The following TMEM258 variants were observed in gnomAD, a reference collection of about 807,000 sequenced individuals.
TMEM258 encodes the protein dolichyl-diphosphooligosaccharide--protein glycosyltransferase subunit TMEM258.
In TMEM258, 11 loss-of-function variants were observed where a neutral mutation model predicts 9.9. The ratio of observed to expected loss-of-function variants is 1.11; its 90% confidence interval spans 0.70 to 1.85. TMEM258 has a LOEUF of 1.85. Ranked by LOEUF, TMEM258 falls within the 40% of genes most tolerant of loss-of-function variation. TMEM258 has a pLI of 0.00. For missense variants in TMEM258, 81 were observed against 99.7 expected (o/e 0.81, Z 0.80); for synonymous variants, 40 against 39.1 (o/e 1.02, Z -0.09).
At chr11:61,789,374 C>T (rs1307405018) in intron 3 of TMEM258, 139 bp from the exon 4 acceptor site, 1 of 167,142 alleles carries the variant, frequency 6.0e-6, no homozygotes, top group African/African-American at 2.4e-5. Context: ...TTCCTAGTGG[C>T]CTGTTTGGTG....
chr11:61,790,628 T>C (rs775773946), intron 1 of TMEM258, 26 bp from the exon 2 acceptor site: 1 of 1,586,324 alleles, frequency 6.3e-7, no homozygotes. Flanking sequence ...AGATCAGAGC[T>C]ATCAAAGAAT....
intron 3 of TMEM258, 183 bp downstream of exon 3, chr11:61,789,602 C>A (rs866962491): frequency 1.9e-5 from 13 of 677,898 alleles, no homozygotes; most frequent in African/African-American, 5.4e-5. Flanking sequence ...GGCTCAAATC[C>A]GTATGAGGGG....
intron 3 of TMEM258, among the ~76,000 whole-genome samples, chr11:61,789,549 C>T (rs1276391123): frequency 2.0e-5 from 3 of 152,220 alleles, no homozygotes; most frequent in Admixed American, 6.5e-5. Context: ...AAAGGCAGAT[C>T]GAGGCCTTGG....
In TMEM258 at chr11:61,789,053, TG is replaced by T. The variant is rs745501998; in HGVS notation, c.*192del. The T allele has an allele frequency of 1.3e-5, 2 of 152,350 alleles. No homozygotes were observed. Among genetic ancestry groups the T allele is most frequent in the Non-Finnish European group, 2.9e-5 (2 of 68,070 alleles). 9.4% of individuals were successfully genotyped at this position (152,350 alleles called of 1,614,324 possible). On this transcript the variant is annotated 3_prime_UTR_variant, in exon 4 of 4. Transcript: ENST00000537328. ...GGAACTGTGAAAGGCAGATGAGAAA[TG>T]GGAAAGGGAAGAGATTGGGGAAGCA...
chr11:61,789,686 G>C, intron 3 of TMEM258, 99 bp downstream of exon 3: 2 of 1,371,516 alleles, frequency 1.5e-6, no homozygotes, highest in South Asian at 1.5e-5. Flanking sequence ...AAGGGGTCAT[G>C]CTGGTAAGAG....
chr11:61,791,008 G>A lies in TMEM258; in HGVS notation c.4-406C>T, dbSNP rs577859315. ...ACTCTGTCGCCCGGGCTGGAGGGCA[G>A]TGGCACGATCTCGGCTCACTGCAAC... On this transcript the variant is annotated intron_variant, in intron 1 of 3. Coordinates refer to ENST00000537328, the MANE Select transcript of TMEM258 (RefSeq NM_014206.4). Among the ~76,000 whole-genome samples, 109 of 152,056 alleles carry A rather than the reference G, an allele frequency of 7.2e-4. 1 individual carries two copies. The highest frequency in any genetic ancestry group is 3.4e-3 in the Middle Eastern group (1 of 294).
In TMEM258 at chr11:61,789,875, G is replaced by A; in HGVS notation, c.160C>T (p.Leu54Phe). 2 of 1,613,524 alleles carry A rather than the reference G, an allele frequency of 1.2e-6. No homozygotes were observed. The highest frequency in any genetic ancestry group is 1.7e-6 in the Non-Finnish European group (2 of 1,179,698). ...TKYTRDIYKELLISLVASLFM... is the reference protein window; with the variant it reads ...TKYTRDIYKEFLISLVASLFM... ...AGTGAGGCCACTAAGGAGATGAGGA[G>A]CTCTTTATAGATATCACGAGTGTAC... is the stretch of plus-strand genomic sequence containing the variant. Residue 54 changes from leucine (L) to phenylalanine (F), a missense_variant, in exon 3 of 4, where the codon CTC becomes TTC. Leu to Phe is a conservative substitution (Grantham distance 22, BLOSUM62 0). Transcript: ENST00000537328.
At position 61,790,612 on chromosome 11, in the gene TMEM258, G is replaced by A. The variant is rs775967934; in HGVS notation, c.4-10C>T. Reference sequence around the variant, plus strand: ...TCATGGCCTCGAGCTCCTAGAGGAGGGAAAGAGATCAGAGCTATCAAAGAA... The same window carrying A: ...TCATGGCCTCGAGCTCCTAGAGGAGAGAAAGAGATCAGAGCTATCAAAGAA... On this transcript the variant is annotated splice_polypyrimidine_tract_variant and intron_variant, in intron 1 of 3. Coordinates refer to ENST00000537328, the MANE Select transcript of TMEM258 (RefSeq NM_014206.4). 6.2e-6 allele frequency: 10 copies of A among 1,608,830 alleles called. 1 individual carries two copies. The East Asian group carries it at 1.6e-4, about 25-fold the overall frequency.
In TMEM258 at chr11:61,789,889, T is replaced by C. The variant is rs1279007541; in HGVS notation, c.146A>G (p.Asp49Gly). The change falls in exon 3 of 4, where the codon GAT (aspartate) becomes GGT (glycine). Residue 49 changes from aspartate (D) to glycine (G), a missense_variant. Transcript: ENST00000537328. Reference protein sequence around the residue: ...YEVTSTKYTRDIYKELLISLV... With the variant: ...YEVTSTKYTRGIYKELLISLV... ...GGAGATGAGGAGCTCTTTATAGATA[T>C]CACGAGTGTACTTGGTAGAGGTGAC... The C allele has an allele frequency of 2.5e-6, 4 of 1,613,270 alleles. No homozygotes were observed. Among genetic ancestry groups the C allele is most frequent in the African/African-American group, 1.3e-5 (1 of 74,870 alleles).
chr11:61,789,117 C>T lies in TMEM258; in HGVS notation c.*129G>A. On this transcript the variant is annotated 3_prime_UTR_variant, in exon 4 of 4. Transcript: ENST00000537328. ...GCACCCACCACCCCTGCAGAATGGG[C>T]CCCAGACAGGACTGCTATACATCTG... 6.5e-6 allele frequency: 1 copy of T among 152,832 alleles called. No individual in the cohort carries two copies. 9.5% of individuals were successfully genotyped at this position (152,832 alleles called of 1,614,324 possible). A position where few individuals can be genotyped will look rare whatever the true frequency, so the allele number is the denominator to read the frequency against.
chr11:61,792,428 G>T, intron 1 of TMEM258, 128 bp downstream of exon 1: 1 of 1,384,938 alleles, frequency 7.2e-7, no homozygotes, highest in Non-Finnish European at 1.0e-6. Context: ...CCACCCTTCA[G>T]CCCAAGCCGG....
rs866418906 is a variant in TMEM258 at position 61,790,526 on chromosome 11, G to A, written c.80C>T (p.Ala27Val). The change falls in exon 2 of 4, where the codon GCC becomes GTC. Residue 27 changes from alanine (A) to valine (V), a missense_variant. Physicochemically the swap from Ala to Val is moderately conservative, Grantham distance 64. Transcript: ENST00000537328. ...CCAGGCGGTGAAGAACATGCCAATGGCCAAAAGCACCACGGTCAGATGGGG... is the reference window on the plus strand; with the variant it reads ...CCAGGCGGTGAAGAACATGCCAATGACCAAAAGCACCACGGTCAGATGGGG... ...VFPHLTVVLL[A>V]IGMFFTAWFF... 6.2e-7 allele frequency: 1 copy of A among 1,614,042 alleles called. No homozygotes were observed. The highest frequency in any genetic ancestry group is 2.2e-5 in the East Asian group (1 of 44,874).
At chr11:61,791,606 G>T (rs368170759) in intron 1 of TMEM258, 2 of 152,160 alleles carry the variant, frequency 1.3e-5, no homozygotes, top group African/African-American at 4.8e-5. Context: ...ATGCTATTAT[G>T]GAATCTTGTG....
chr11:61,792,563 C>T lies in TMEM258; in HGVS notation c.-5G>A, dbSNP rs7102974. 22,186 of 1,613,820 alleles carry T rather than the reference C, an allele frequency of 0.014. 215 individuals are homozygous for T. The highest frequency in any genetic ancestry group is 0.017 in the Non-Finnish European group (20,463 of 1,179,976). ...TCCCCTCAACGCTCTCACCATTTTGCCCCGCGAAGGCTAATCCGCCGCTCC... is the reference window on the plus strand; with the variant it reads ...TCCCCTCAACGCTCTCACCATTTTGTCCCGCGAAGGCTAATCCGCCGCTCC... On this transcript the variant is annotated 5_prime_UTR_variant, in exon 1 of 4. Coordinates refer to ENST00000537328, the MANE Select transcript of TMEM258 (RefSeq NM_014206.4).
intron 1 of TMEM258, 35 bp from the exon 2 acceptor site, chr11:61,790,637 A>G: frequency 6.4e-7 from 1 of 1,571,900 alleles, no homozygotes; most frequent in Non-Finnish European, 8.7e-7. Context: ...CTATCAAAGA[A>G]TCCCACGATT....
At chr11:61,792,242 G>A (rs866632045) in intron 1 of TMEM258, 8 of 437,716 alleles carry the variant, frequency 1.8e-5, no homozygotes, top group Non-Finnish European at 3.0e-5. Flanking sequence ...ATTTGCCCAG[G>A]GCATTGTAGG....
intron 3 of TMEM258, among the ~76,000 whole-genome samples, chr11:61,789,513 G>A (rs892413855): frequency 1.9e-4 from 29 of 152,162 alleles, no homozygotes; most frequent in African/African-American, 6.0e-4. Context: ...GGATGCCTGC[G>A]TCCACACTTC....
intron 1 of TMEM258, among the ~76,000 whole-genome samples, chr11:61,791,241 T>C (rs758471430): frequency 4.0e-5 from 6 of 150,186 alleles, no homozygotes; most frequent in Non-Finnish European, 8.9e-5. Flanking sequence ...CAGGTGTGAG[T>C]TGCCGCGCCC....
rs102274 is a variant in TMEM258, at chr11:61,790,354, T to C, written c.113+139A>G. ...GCTATAACCTGCCCCTGGGCATCAC[T>C]AGCCCTCCTCTCCTCCTTACCTTCT... On this transcript the variant is annotated intron_variant, in intron 2 of 3. Transcript: ENST00000537328. The C allele has an allele frequency of 0.33, 256,252 of 769,904 alleles. 48,360 individuals are homozygous for C. The highest frequency in any genetic ancestry group is 0.58 in the Admixed American group (25,422 of 44,132). The allele number at this position is 769,904 out of a possible 1,614,324, so 47.7% of individuals were successfully genotyped here. A position where few individuals can be genotyped will look rare whatever the true frequency, so the allele number is the denominator to read the frequency against.
Sources: gnomAD v4.1 joint callset for allele counts (sites outside exome capture counted in the v4.1 genomes callset) on GRCh38, gnomAD v4.1.1 for gene constraint, MANE v1.5 for transcripts, NCBI Gene and HGNC (gene_info 2026-07-23, HGNC 2026-07-21) for gene names.